TENM4: variants seen among roughly 807,000 people sequenced by gnomAD.
TENM4 encodes the protein teneurin transmembrane protein 4, also known as teneurin-4.
TENM4 carries 82 observed loss-of-function variants against 243.3 expected under a neutral mutation model. The observed-to-expected ratio is 0.34, with a 90% CI of 0.28 to 0.40. The LOEUF (loss-of-function observed/expected upper bound fraction) is 0.40. TENM4 is among the 10% of genes least tolerant of loss of function. The probability of loss-of-function intolerance (pLI) is 1.00; values close to 1 mark genes in which losing one functional copy is unlikely to be tolerated. For synonymous variants in TENM4, 1,412 were observed against 1,456.3 expected (o/e 0.97, Z 0.69); for missense variants, 3,138 against 3,673.3 (o/e 0.85, Z 3.77).
chr11:78,853,555 AT>A (rs1480602231), intron 12 of TENM4, among the ~76,000 whole-genome samples: 2 of 152,160 alleles, frequency 1.3e-5, no homozygotes, highest in African/African-American at 4.8e-5. Context: ...TTTGTCAGAG[AT>A]TAGGACATCT....
At chr11:79,305,453 A>G (rs1025242603) in intron 1 of TENM4, among the ~76,000 whole-genome samples, 3 of 152,160 alleles carry the variant, frequency 2.0e-5, no homozygotes, top group African/African-American at 7.2e-5. Flanking sequence ...CCTGTTATCT[A>G]TAGTGGGATC....
chr11:79,084,959 A>G (rs1591270099), intron 4 of TENM4, among the ~76,000 whole-genome samples: 1 of 152,196 alleles, frequency 6.6e-6, no homozygotes, highest in East Asian at 1.9e-4. Context: ...TTCTTTTGCT[A>G]TAGTTTTGTA....
chr11:79,028,316 C>T (rs1038835041), intron 6 of TENM4, among the ~76,000 whole-genome samples: 2 of 152,194 alleles, frequency 1.3e-5, no homozygotes, highest in Admixed American at 1.3e-4. Flanking sequence ...GTATGCTTGT[C>T]CTAGGTCAGC....
chr11:79,428,978 A>C (rs949094110), intron 1 of TENM4, among the ~76,000 whole-genome samples: 3 of 152,180 alleles, frequency 2.0e-5, no homozygotes, highest in African/African-American at 7.2e-5. Flanking sequence ...ACAGTTGTAG[A>C]GCAATCTGTG....
intron 1 of TENM4, among the ~76,000 whole-genome samples, chr11:79,347,516 G>T (rs1857344351): frequency 6.6e-6 from 1 of 152,132 alleles, no homozygotes. Flanking sequence ...GTATAAGGTG[G>T]GGGCTCAGTG....
At chr11:79,275,392 T>C (rs916041317) in intron 2 of TENM4, among the ~76,000 whole-genome samples, 3 of 152,252 alleles carry the variant, frequency 2.0e-5, no homozygotes, top group Admixed American at 1.3e-4. Flanking sequence ...GTGCAAAAGA[T>C]GCCTGTAGGC....
chr11:78,998,055 T>C (rs1316230994), intron 6 of TENM4, among the ~76,000 whole-genome samples: 2 of 152,208 alleles, frequency 1.3e-5, no homozygotes, highest in African/African-American at 4.8e-5. Flanking sequence ...GGCACCTTGA[T>C]CTTGGACTTC....
chr11:78,873,457 C>A (rs1859189274), intron 9 of TENM4, among the ~76,000 whole-genome samples: 1 of 152,158 alleles, frequency 6.6e-6, no homozygotes. Flanking sequence ...GATGAGGAAA[C>A]TGAGGCTTAA....
chr11:79,166,056 G>A (rs1045745880), intron 3 of TENM4, among the ~76,000 whole-genome samples: 8 of 152,124 alleles, frequency 5.3e-5, no homozygotes, highest in Admixed American at 2.6e-4. Flanking sequence ...ATTCTGAATA[G>A]GGAGTGTCCT....
intron 2 of TENM4, among the ~76,000 whole-genome samples, chr11:79,218,476 C>G (rs1864099951): frequency 6.6e-6 from 1 of 152,128 alleles, no homozygotes. Flanking sequence ...ACTCAAATTT[C>G]TTTCTCAGGC....
At chr11:79,098,779 C>T (rs889396882) in intron 4 of TENM4, among the ~76,000 whole-genome samples, 24 of 152,308 alleles carry the variant, frequency 1.6e-4, no homozygotes, top group African/African-American at 5.3e-4. Flanking sequence ...TAGCCATCAA[C>T]GACATCAGGA....
At chr11:78,967,327 AAGGAAGGT>A (rs1325891950) in intron 6 of TENM4, among the ~76,000 whole-genome samples, 1 of 152,234 alleles carries the variant, frequency 6.6e-6, no homozygotes, top group Non-Finnish European at 1.5e-5. Context: ...TAAAGGATAG[AAGGAAGGT>A]AGGAAGGAAG....
intron 1 of TENM4, among the ~76,000 whole-genome samples, chr11:79,406,205 C>T (rs950465003): frequency 6.6e-6 from 1 of 152,156 alleles, no homozygotes; most frequent in East Asian, 1.9e-4. Context: ...GGATTTCTGC[C>T]ACACCCCCAG....
chr11:78,818,386 T>G (rs779785447), intron 12 of TENM4, among the ~76,000 whole-genome samples: 1 of 152,160 alleles, frequency 6.6e-6, no homozygotes, highest in African/African-American at 2.4e-5. Flanking sequence ...TGTGACTGAG[T>G]GTAGTGTTGG....
intron 2 of TENM4, among the ~76,000 whole-genome samples, chr11:79,267,501 T>G (rs962148692): frequency 1.3e-5 from 2 of 152,226 alleles, no homozygotes; most frequent in African/African-American, 4.8e-5. Flanking sequence ...TAGTAGGGAC[T>G]AAGGTTTAGA....
At chr11:79,121,239 T>C (rs73506658) in intron 4 of TENM4, among the ~76,000 whole-genome samples, 2,472 of 152,256 alleles carry the variant, frequency 0.016, 72 homozygotes, top group African/African-American at 0.056. Context: ...TGTCTTCCAT[T>C]CTAGTTTTCT....
intron 6 of TENM4, among the ~76,000 whole-genome samples, chr11:79,047,026 T>C (rs546853186): frequency 2.2e-4 from 34 of 152,280 alleles, no homozygotes; most frequent in African/African-American, 7.7e-4. Flanking sequence ...CAGGCCCTGA[T>C]TACACAGAGA....
chr11:79,299,249 CTT>C (rs1256580310), intron 1 of TENM4, among the ~76,000 whole-genome samples: 1 of 152,194 alleles, frequency 6.6e-6, no homozygotes, highest in Non-Finnish European at 1.5e-5. Flanking sequence ...GAACTGAAGT[CTT>C]TCATCTTTCA....
intron 4 of TENM4, among the ~76,000 whole-genome samples, chr11:79,091,391 A>G (rs1860946064): frequency 6.6e-6 from 1 of 152,032 alleles, no homozygotes; most frequent in South Asian, 2.1e-4. Flanking sequence ...GCCAGACACC[A>G]TTCTAGGTGT....
Sources: allele counts gnomAD v4.1 joint callset (sites outside exome capture counted in the v4.1 genomes callset), GRCh38; gene constraint gnomAD v4.1.1; transcripts MANE v1.5; gene names NCBI Gene and HGNC (gene_info 2026-07-23, HGNC 2026-07-21).